FSTL4: variants seen among roughly 807,000 people sequenced by gnomAD.
The protein encoded by FSTL4 is follistatin-related protein 4.
Under a neutral mutation model 78.2 loss-of-function variants are expected in FSTL4, and 28 were observed. The ratio of observed to expected loss-of-function variants is 0.36; its 90% CI spans 0.27 to 0.49. FSTL4 has a LOEUF of 0.49. FSTL4 is among the 20% of genes least tolerant of loss of function. The pLI, the probability that FSTL4 is intolerant of heterozygous loss-of-function variation, is 0.98. For synonymous variants in FSTL4, 422 were observed against 440.5 expected (o/e 0.96, Z 0.53); for missense variants, 922 against 1,084.9 (o/e 0.85, Z 2.11).
At chr5:133,227,568 T>A (rs920690358) in intron 8 of FSTL4, among the ~76,000 whole-genome samples, 6 of 152,060 alleles carry the variant, frequency 3.9e-5, no homozygotes, top group African/African-American at 1.4e-4. Flanking sequence ...GAGAAGGTGG[T>A]AGCATAGAGC....
chr5:133,608,386 A>T (rs1457648879), intron 1 of FSTL4, among the ~76,000 whole-genome samples: 1 of 152,230 alleles, frequency 6.6e-6, no homozygotes, highest in Non-Finnish European at 1.5e-5. Flanking sequence ...TTCAACAGAC[A>T]TTCCCCCAGT....
the FSTL4 span, among the ~76,000 whole-genome samples, chr5:133,621,603 A>C: frequency 1.3e-5 from 2 of 151,868 alleles, no homozygotes; most frequent in Non-Finnish European, 2.9e-5. Flanking sequence ...ACTTGGGGGA[A>C]AGAGTTGGGA....
the FSTL4 span, among the ~76,000 whole-genome samples, chr5:133,727,845 G>T: frequency 6.6e-6 from 1 of 152,218 alleles, no homozygotes; most frequent in Non-Finnish European, 1.5e-5. Flanking sequence ...AGGATGCAGC[G>T]TCAGGGGAGC....
the FSTL4 span, among the ~76,000 whole-genome samples, chr5:133,763,196 A>G: frequency 2.6e-5 from 4 of 152,348 alleles, no homozygotes; most frequent in South Asian, 2.1e-4. Context: ...GACATGCCCA[A>G]TAGCCCTTGT....
chr5:133,732,035 C>A, the FSTL4 span, among the ~76,000 whole-genome samples: 1 of 152,138 alleles, frequency 6.6e-6, no homozygotes, highest in African/African-American at 2.4e-5. Context: ...GTGACTCAGG[C>A]ACAAGCAACC....
the FSTL4 span, among the ~76,000 whole-genome samples, chr5:133,823,595 G>A: frequency 2.6e-5 from 4 of 152,118 alleles, no homozygotes; most frequent in Non-Finnish European, 5.9e-5. Flanking sequence ...ATGGTGTCCC[G>A]GACAGAGTGC....
At chr5:133,254,806 G>A (rs1468722595) in intron 6 of FSTL4, among the ~76,000 whole-genome samples, 3 of 152,332 alleles carry the variant, frequency 2.0e-5, no homozygotes, top group African/African-American at 7.2e-5. Context: ...TCATCCTGTT[G>A]AGCCTCACAT....
intron 3 of FSTL4, among the ~76,000 whole-genome samples, chr5:133,415,387 A>G (rs1282060014): frequency 6.6e-6 from 1 of 152,238 alleles, no homozygotes; most frequent in African/African-American, 2.4e-5. Context: ...TATGGTGGCA[A>G]AATTAGACAA....
chr5:133,566,844 G>A (rs985426266), intron 3 of FSTL4, among the ~76,000 whole-genome samples: 6 of 152,300 alleles, frequency 3.9e-5, no homozygotes, highest in African/African-American at 1.4e-4. Flanking sequence ...CATTTTTTGT[G>A]TTGTTCACGT....
At chr5:133,413,788 TTAACTCTTCAGC>T (rs1756525457) in intron 3 of FSTL4, among the ~76,000 whole-genome samples, 5 of 152,190 alleles carry the variant, frequency 3.3e-5, no homozygotes, top group Admixed American at 3.3e-4. Flanking sequence ...AGCTCTTAAA[TTAACTCTTCAGC>T]TATTTCTAAC....
the FSTL4 span, among the ~76,000 whole-genome samples, chr5:133,748,656 G>T: frequency 6.6e-6 from 1 of 152,206 alleles, no homozygotes; most frequent in Admixed American, 6.5e-5. Context: ...CCTGCTCAGG[G>T]AGCTGGGCAG....
chr5:133,701,747 C>A, the FSTL4 span, among the ~76,000 whole-genome samples: 4 of 152,162 alleles, frequency 2.6e-5, no homozygotes, highest in Non-Finnish European at 5.9e-5. Context: ...GGGTTCCTTA[C>A]AAAATGCACA....
intron 4 of FSTL4, among the ~76,000 whole-genome samples, chr5:133,396,695 A>G (rs1307787546): frequency 2.0e-5 from 3 of 152,216 alleles, no homozygotes. Flanking sequence ...AACAAGACTC[A>G]GAGTAACAAC....
chr5:133,590,741 T>C (rs574113776), intron 2 of FSTL4, among the ~76,000 whole-genome samples: 2 of 152,298 alleles, frequency 1.3e-5, no homozygotes, highest in South Asian at 2.1e-4. Context: ...GTCCATTTTG[T>C]GCTGCTATAA....
chr5:133,370,692 T>C (rs1161002205), intron 4 of FSTL4, among the ~76,000 whole-genome samples: 1 of 151,798 alleles, frequency 6.6e-6, no homozygotes, highest in Non-Finnish European at 1.5e-5. Flanking sequence ...GAATGAGGGA[T>C]GAGGCGGTGC....
chr5:133,499,356 A>T (rs1282102732), intron 3 of FSTL4, among the ~76,000 whole-genome samples: 1 of 136,756 alleles, frequency 7.3e-6, no homozygotes, highest in African/African-American at 2.7e-5. Context: ...CCTAGTAAGT[A>T]ACACAAGGGG....
chr5:133,642,997 C>T, the FSTL4 span, among the ~76,000 whole-genome samples: 2 of 152,170 alleles, frequency 1.3e-5, no homozygotes, highest in African/African-American at 4.8e-5. Context: ...TCTGAGACTG[C>T]AGTAACCTTA....
the FSTL4 span, among the ~76,000 whole-genome samples, chr5:133,658,205 A>G: frequency 3.9e-5 from 6 of 152,164 alleles, no homozygotes; most frequent in African/African-American, 9.6e-5. Context: ...TTTCACATCT[A>G]TGTTCATAGG....
At chr5:133,223,282 T>C (rs1189488177) in intron 11 of FSTL4, among the ~76,000 whole-genome samples, 1 of 152,258 alleles carries the variant, frequency 6.6e-6, no homozygotes, top group Non-Finnish European at 1.5e-5. Flanking sequence ...AGACTTATCA[T>C]GTCAGCTTTA....
Sources: allele counts gnomAD v4.1 joint callset (sites outside exome capture counted in the v4.1 genomes callset), GRCh38; gene constraint gnomAD v4.1.1; transcripts MANE v1.5; gene names NCBI Gene and HGNC (gene_info 2026-07-23, HGNC 2026-07-21).